GSDMD: variants seen among roughly 807,000 people sequenced by gnomAD.
GSDMD encodes the protein gasdermin D, also known as gasdermin-D.
A neutral mutation model predicts 46.7 loss-of-function variants in GSDMD; 46 were observed. That is an observed-to-expected ratio of 0.99 (90% CI 0.78 to 1.26). The LOEUF (loss-of-function observed/expected upper bound fraction) is 1.26. Ranked by LOEUF, GSDMD falls within the 50% of genes most tolerant of loss-of-function variation. The pLI, the probability that GSDMD is intolerant of heterozygous loss-of-function variation, is 0.00. For synonymous variants in GSDMD, 307 were observed against 283.1 expected, an observed-to-expected ratio of 1.08 and a Z score of -0.85; for missense variants, 649 against 638.8, an observed-to-expected ratio of 1.02 and a Z score of -0.17.
In GSDMD at chr8:143,562,478, C is replaced by T. The variant is rs201891556; in HGVS notation, c.1169C>T (p.Ala390Val). 301 of 1,609,070 alleles carry T rather than the reference C, an allele frequency of 1.9e-4. 1 individual carries two copies. The highest frequency in any genetic ancestry group is 1.7e-3 in the Middle Eastern group (10 of 6,022). The part of the protein sequence containing the change: ...MLSETQHKLL[A>V]EALESQTLLG... ...AGTGAAACGCAGCACAAGCTGCTGG[C>T]GGAGGCGCTGGAGTCGCAGACCCTG... The change falls in exon 10 of 11, where the codon GCG becomes GTG. Residue 390 changes from alanine to valine, a missense_variant. Physicochemically the swap from Ala to Val is moderately conservative, Grantham distance 64 (BLOSUM62 0). Transcript: ENST00000262580.
Position 143,562,744 on chromosome 8 carries a change from G to A in GSDMD, c.1295G>A (p.Trp432Ter), listed in dbSNP as rs1483903535. The A allele has an allele frequency of 6.3e-7, 1 of 1,586,996 alleles. No homozygotes were observed. ...CCCCCCGGGCTCCTGGGGAACAGCT[G>A]GGGCGAAGGAGCACCGGCCTGGGTC... ...SLPPGLLGNSWGEGAPAWVLL... is the reference protein window; with the variant it reads ...SLPPGLLGNS The change falls in exon 11 of 11, where the codon TGG becomes TAG. Residue 432 changes from tryptophan to a stop codon, truncating the protein, a stop_gained. Transcript: ENST00000262580. LOFTEE classifies it low-confidence loss of function (END_TRUNC).
chr8:143,561,964 G>A lies in GSDMD; in HGVS notation c.829G>A (p.Val277Ile). 6.2e-7 allele frequency: 1 copy of A among 1,608,906 alleles called. No individual in the cohort carries two copies. Among genetic ancestry groups the A allele is most frequent in the Non-Finnish European group, 8.5e-7 (1 of 1,178,280 alleles). The change falls in exon 8 of 11, where the codon GTC becomes ATC. Residue 277 changes from valine (V) to isoleucine (I), a missense_variant. By Grantham distance (29) the Val-to-Ile change is conservative. Coordinates refer to ENST00000262580, the MANE Select transcript of GSDMD (RefSeq NM_024736.7). The stretch of plus-strand genomic sequence containing the variant: ...CAGCCCTTCTGTCCCTACAGATGGG[G>A]TCCCTGCGGAGGGGGCGTTCACTGA... Reference protein sequence around the residue: ...RCLHNFLTDGVPAEGAFTEDF... With the variant: ...RCLHNFLTDGIPAEGAFTEDF...
upstream of GSDMD, among the ~76,000 whole-genome samples, chr8:143,556,267 C>G (rs2130557457): frequency 6.6e-6 from 1 of 152,198 alleles, no homozygotes; most frequent in East Asian, 1.9e-4. Context: ...GTAGTCCCAA[C>G]TACTCGGGAG....
rs1408234138 is a variant in GSDMD, at chr8:143,561,003, G to A, written c.581G>A (p.Gly194Asp). The A allele has an allele frequency of 2.5e-6, 4 of 1,612,486 alleles. No homozygotes were observed. The highest frequency in any genetic ancestry group is 2.5e-6 in the Non-Finnish European group (3 of 1,179,718). ...CCCGAGCCCATCTCCATGCCTCAGGGTGAGGGCCAGGGCCATCTGAGCCAG... is the reference window on the plus strand; with the variant it reads ...CCCGAGCCCATCTCCATGCCTCAGGATGAGGGCCAGGGCCATCTGAGCCAG... ...FSLPGATCLQ[G>D]EGQGHLSQKK... Residue 194 changes from glycine to aspartate, a missense_variant and splice_region_variant, in exon 5 of 11, where the codon GGT (glycine) becomes GAT (aspartate). Transcript: ENST00000262580.
At chr8:143,557,392 C>T (rs1441827357), upstream of GSDMD, among the ~76,000 whole-genome samples, 10 of 148,794 alleles carry the variant, frequency 6.7e-5, no homozygotes, top group African/African-American at 2.0e-4. Flanking sequence ...AGGATGATGC[C>T]GCTGTGACGA....
chr8:143,562,710 A>C lies in GSDMD; in HGVS notation c.1261A>C (p.Met421Leu). The C allele has an allele frequency of 6.3e-7, 1 of 1,598,610 alleles. No individual in the cohort carries two copies. The highest frequency in any genetic ancestry group is 8.5e-7 in the Non-Finnish European group (1 of 1,172,758). ...TGCCCCGTGGCAGGAGCGCAGCACC[A>C]TGTCCCTGCCCCCCGGGCTCCTGGG... The part of the protein sequence containing the change: ...QSAPWQERST[M>L]SLPPGLLGNS... The change falls in exon 11 of 11, where the codon ATG becomes CTG. Residue 421 changes from methionine to leucine, a missense_variant. By Grantham distance (15) the Met-to-Leu change is conservative. Coordinates refer to ENST00000262580, the MANE Select transcript of GSDMD (RefSeq NM_024736.7).
At chr8:143,555,420 C>A (rs1823282893), upstream of GSDMD, among the ~76,000 whole-genome samples, 1 of 152,224 alleles carries the variant, frequency 6.6e-6, no homozygotes, top group Non-Finnish European at 1.5e-5. Context: ...GGTTGGGCTG[C>A]AGGATCTGGG....
At chr8:143,557,445 C>CAGATGCTGCCGCTGTGGCGAA (rs1823333011), upstream of GSDMD, among the ~76,000 whole-genome samples, 1 of 79,662 alleles carries the variant, frequency 1.3e-5, no homozygotes, top group African/African-American at 4.5e-5. Context: ...GCTGTGACGA[C>CAGATGCTGCCGCTGTGGCGAA]GGATGCTGCC....
In GSDMD at chr8:143,560,604, C is replaced by T. The variant is rs1481910976; in HGVS notation, c.412C>T (p.His138Tyr). 1.9e-6 allele frequency: 3 copies of T among 1,579,142 alleles called. No homozygotes were observed. The South Asian group carries it at 3.5e-5, about 18-fold the overall frequency. The change falls in exon 4 of 11, where the codon CAC becomes TAC. Residue 138 changes from histidine (H) to tyrosine (Y), a missense_variant and splice_region_variant. By Grantham distance (83) the His-to-Tyr change is moderately conservative (BLOSUM62 2). Transcript: ENST00000262580. ...NTWQTLLHER[H>Y]LRQPEHKVLQ... is the part of the protein sequence containing the mutation. Reference sequence around the variant, plus strand: ...AGCTTTGCTGCTCCTCGGACACAGGCACCTGCGGCAGCCAGAACACAAAGT... The same window carrying T: ...AGCTTTGCTGCTCCTCGGACACAGGTACCTGCGGCAGCCAGAACACAAAGT...
chr8:143,557,748 G>A, upstream of GSDMD: 1 of 305,386 alleles, frequency 3.3e-6, no homozygotes, highest in South Asian at 2.4e-5. Context: ...CTTTGTCAGT[G>A]TGCAGTATCT....
Position 143,559,626 on chromosome 8 carries a change from C to G in GSDMD, c.217+74C>G, listed in dbSNP as rs936281836. ...AGGGGAGCGGGCTGGGGCCAACCAT[C>G]CACTGGGCTCTGCAGCCTCTAGCTC... On this transcript the variant is annotated intron_variant, in intron 2 of 10. Coordinates refer to ENST00000262580, the MANE Select transcript of GSDMD (RefSeq NM_024736.7). 3 of 1,481,340 alleles carry G rather than the reference C, an allele frequency of 2.0e-6. No individual in the cohort carries two copies. The African/African-American group carries it at 4.2e-5, about 21-fold the overall frequency. The allele number at this position is 1,481,340 out of a possible 1,614,324, so 91.8% of individuals were successfully genotyped here.
At chr8:143,556,608 G>A (rs1164558477), upstream of GSDMD, among the ~76,000 whole-genome samples, 2 of 152,224 alleles carry the variant, frequency 1.3e-5, no homozygotes, top group South Asian at 2.1e-4. Context: ...GCAGGGACCC[G>A]CAGGGCACCA....
intron 3 of GSDMD, 162 bp from the exon 4 acceptor site, chr8:143,560,441 G>A (rs1052739088): frequency 2.0e-5 from 14 of 698,914 alleles, no homozygotes; most frequent in Admixed American, 5.5e-5. Context: ...ATGGGGTCCC[G>A]TCCCCGTGGG....
At position 143,562,060 on chromosome 8, in the gene GSDMD, T is replaced by C. The variant is rs1823475004; in HGVS notation, c.925T>C (p.Cys309Arg). The C allele has an allele frequency of 6.3e-7, 1 of 1,596,934 alleles. No individual in the cohort carries two copies. The highest frequency in any genetic ancestry group is 8.5e-7 in the Non-Finnish European group (1 of 1,176,716). Residue 309 changes from cysteine to arginine, a missense_variant, in exon 8 of 11, where the codon TGC becomes CGC. Transcript: ENST00000262580. ...ACTGGAGCTTTTGGACAGAGAGCTGTGCCAGCTGCTGCTGGAGGGCCTGGA... is the reference window on the plus strand; with the variant it reads ...ACTGGAGCTTTTGGACAGAGAGCTGCGCCAGCTGCTGCTGGAGGGCCTGGA... ...KELELLDREL[C>R]QLLLEGLEGV...
intron 1 of GSDMD, 111 bp downstream of exon 1, chr8:143,558,562 A>G: frequency 3.6e-6 from 4 of 1,109,754 alleles, no homozygotes; most frequent in Non-Finnish European, 3.6e-6. Context: ...TTCGCCCAGA[A>G]GGCCCCGCGC....
upstream of GSDMD, among the ~76,000 whole-genome samples, chr8:143,554,752 G>A (rs1823271888): frequency 6.9e-6 from 1 of 145,916 alleles, no homozygotes; most frequent in Non-Finnish European, 1.5e-5. Flanking sequence ...ACACCTGCAT[G>A]CACACGCGCA....
At chr8:143,557,404 A>ATGCTGCCGCTATGATGAAGGAT (rs1823329419), upstream of GSDMD, among the ~76,000 whole-genome samples, 1 of 98,614 alleles carries the variant, frequency 1.0e-5, no homozygotes, top group African/African-American at 3.4e-5. Context: ...CTGTGACGAC[A>ATGCTGCCGCTATGATGAAGGAT]GCTGCTGCCG....
At chr8:143,561,170 G>C in intron 5 of GSDMD, 66 bp downstream of exon 5, 1 of 1,483,370 alleles carries the variant, frequency 6.7e-7, no homozygotes, top group South Asian at 1.2e-5. Flanking sequence ...CCTGGGGAGA[G>C]CTACCCGCCA....
At chr8:143,559,292 G>A (rs368626687) in intron 1 of GSDMD, 40 bp from the exon 2 acceptor site, 22 of 316,408 alleles carry the variant, frequency 7.0e-5, no homozygotes, top group East Asian at 2.7e-4. Context: ...CCTCCCGCCC[G>A]CCCCGAGAGC....
Sources: allele counts gnomAD v4.1 joint callset (sites outside exome capture counted in the v4.1 genomes callset), GRCh38; gene constraint gnomAD v4.1.1; transcripts MANE v1.5; gene names NCBI Gene and HGNC (gene_info 2026-07-23, HGNC 2026-07-21).